The following RUFY3 variants were observed in gnomAD, a reference collection of about 807,000 sequenced individuals.
RUFY3 encodes RUN and FYVE domain containing 3, also known as protein RUFY3.
A neutral mutation model predicts 84.0 loss-of-function variants in RUFY3; 34 were observed. That is an observed-to-expected ratio of 0.40 (90% CI 0.31 to 0.54). The LOEUF (loss-of-function observed/expected upper bound fraction) is 0.54, where lower values mean the gene tolerates loss of function less well. Among genes scored for constraint, RUFY3 ranks in the 20% least tolerant of loss-of-function variants. The pLI, the probability that RUFY3 is intolerant of heterozygous loss-of-function variation, is 0.39. For synonymous variants in RUFY3, 242 were observed against 252.9 expected, an observed-to-expected ratio of 0.96 and a Z score of 0.41; for missense variants, 507 against 736.8, an observed-to-expected ratio of 0.69 and a Z score of 3.61.
chr4:70,717,089 A>G (rs1234975003), upstream of RUFY3, among the ~76,000 whole-genome samples: 2 of 152,186 alleles, frequency 1.3e-5, no homozygotes, highest in African/African-American at 4.8e-5. Flanking sequence ...ACATAAGTAC[A>G]TATGTTGGTC....
chr4:70,785,127 A>G (rs932824411), intron 10 of RUFY3, among the ~76,000 whole-genome samples: 1 of 152,202 alleles, frequency 6.6e-6, no homozygotes, highest in African/African-American at 2.4e-5. Context: ...TTACAAGAAT[A>G]TTAAGTATAC....
chr4:70,778,191 C>T (rs1432050359), intron 7 of RUFY3, among the ~76,000 whole-genome samples, 178 bp from the exon 8 acceptor site: 1 of 152,054 alleles, frequency 6.6e-6, no homozygotes, highest in African/African-American at 2.4e-5. Flanking sequence ...CCGAGAATCG[C>T]ACCACTGCAC....
At chr4:70,791,752 C>T in intron 12 of RUFY3, 1 of 991,308 alleles carries the variant, frequency 1.0e-6, no homozygotes, top group Non-Finnish European at 1.2e-6. Flanking sequence ...TGAACTTGAA[C>T]TCTTCTAAAA....
upstream of RUFY3, chr4:70,721,833 A>C (rs1334082217): frequency 1.0e-6 from 1 of 984,992 alleles, no homozygotes; most frequent in Admixed American, 6.2e-5. Context: ...CACAGTCTGG[A>C]AGTGGGTTGT....
At chr4:70,704,967 G>A (rs918349646) in exon 1 of RUFY3, 1 of 1,228,796 alleles carries the variant, frequency 8.1e-7, no homozygotes, top group Non-Finnish European at 1.0e-6. Context: ...GCCCACCGCT[G>A]GTGCCGAAAG....
chr4:70,749,598 C>T (rs2148668241), intron 1 of RUFY3, among the ~76,000 whole-genome samples: 1 of 150,190 alleles, frequency 6.7e-6, no homozygotes, highest in South Asian at 2.1e-4. Flanking sequence ...TACAGGAGGC[C>T]AGCAGCTAAA....
intron 4 of RUFY3, among the ~76,000 whole-genome samples, chr4:70,765,209 G>GTATATATATATATATATATATATATA (rs59630867): frequency 7.3e-6 from 1 of 137,210 alleles, no homozygotes; most frequent in African/African-American, 2.7e-5. Flanking sequence ...AAAAAAATGT[G>GTATATATATATATATATATATATATA]TATATATATA....
intron 1 of RUFY3, among the ~76,000 whole-genome samples, chr4:70,746,504 CAAA>C (rs1178734323): frequency 4.6e-5 from 3 of 65,126 alleles, no homozygotes; most frequent in Admixed American, 1.8e-4. Flanking sequence ...AAGACTGTCT[CAAA>C]AAAAAAAAAA....
At chr4:70,798,403 T>A (rs939839367) in intron 14 of RUFY3, among the ~76,000 whole-genome samples, 1 of 151,940 alleles carries the variant, frequency 6.6e-6, no homozygotes, top group African/African-American at 2.4e-5. Flanking sequence ...ATTCCACTTT[T>A]GGATGCACAT....
At chr4:70,792,390 C>T in intron 12 of RUFY3, 1 of 967,364 alleles carries the variant, frequency 1.0e-6, no homozygotes, top group Non-Finnish European at 1.2e-6. Context: ...TTATTTAGTA[C>T]AAAAATAGAT....
At chr4:70,763,272 A>G (rs1007765203) in intron 2 of RUFY3, among the ~76,000 whole-genome samples, 2 of 152,136 alleles carry the variant, frequency 1.3e-5, no homozygotes, top group Non-Finnish European at 2.9e-5. Flanking sequence ...TTCTTCATTA[A>G]TACCACACAA....
At position 70,807,085 on chromosome 4, in the gene RUFY3, A is replaced by G. The variant is rs1234814911; in HGVS notation, c.*426A>G. The G allele has an allele frequency of 6.5e-6, 1 of 153,190 alleles. No individual in the cohort carries two copies. The highest frequency in any genetic ancestry group is 1.5e-5 in the Non-Finnish European group (1 of 68,764). The allele number at this position is 153,190 out of a possible 1,614,324, so 9.5% of individuals were successfully genotyped here. A position where few individuals can be genotyped will look rare whatever the true frequency, so the allele number is the denominator to read the frequency against. ...AGGTAGATGCTGAGATCAAAATGAC[A>G]GTTGTTACTTATTTTTCCAGGTGCT... On this transcript the variant is annotated 3_prime_UTR_variant, in exon 18 of 18. Coordinates refer to ENST00000381006, the MANE Select transcript of RUFY3 (RefSeq NM_001037442.4).
At chr4:70,791,680 T>C (rs1730841721) in intron 12 of RUFY3, 1 of 1,021,638 alleles carries the variant, frequency 9.8e-7, no homozygotes, top group South Asian at 4.1e-5. Flanking sequence ...GCATTGTTCA[T>C]GTCTGTATCT....
chr4:70,774,394 A>G (rs900855857), intron 6 of RUFY3, among the ~76,000 whole-genome samples: 2 of 150,776 alleles, frequency 1.3e-5, no homozygotes, highest in African/African-American at 4.9e-5. Flanking sequence ...AGATGACCTG[A>G]GGTCAGGAGT....
intron 10 of RUFY3, among the ~76,000 whole-genome samples, chr4:70,786,078 A>G (rs577026985): frequency 1.6e-4 from 25 of 152,316 alleles, no homozygotes; most frequent in Admixed American, 1.4e-3. Flanking sequence ...GATAAAAAGG[A>G]ATGAAATCCT....
chr4:70,758,888 A>G (rs1373372350), intron 1 of RUFY3, among the ~76,000 whole-genome samples: 2 of 152,088 alleles, frequency 1.3e-5, no homozygotes, highest in East Asian at 3.9e-4. Flanking sequence ...AAATACAAAA[A>G]ATTAGCCCAG....
intron 1 of RUFY3, among the ~76,000 whole-genome samples, chr4:70,714,148 A>G (rs1741310445): frequency 6.6e-6 from 1 of 152,058 alleles, no homozygotes. Context: ...CCTAGGATTC[A>G]CTGTGAGCAT....
intron 1 of RUFY3, among the ~76,000 whole-genome samples, chr4:70,728,065 C>A (rs966239128): frequency 6.6e-6 from 1 of 151,942 alleles, no homozygotes; most frequent in Non-Finnish European, 1.5e-5. Flanking sequence ...CTACAGATAC[C>A]CCTTGAATTA....
chr4:70,709,676 A>G (rs1297878088), intron 1 of RUFY3, among the ~76,000 whole-genome samples: 2 of 152,232 alleles, frequency 1.3e-5, no homozygotes, highest in African/African-American at 2.4e-5. Flanking sequence ...GTGAATGGAC[A>G]GGATAGACAA....
Sources: allele counts gnomAD v4.1 joint callset (sites outside exome capture counted in the v4.1 genomes callset), GRCh38; gene constraint gnomAD v4.1.1; transcripts MANE v1.5; gene names NCBI Gene and HGNC (gene_info 2026-07-23, HGNC 2026-07-21).